Variants in TACR3 observed in about 807,000 individuals in gnomAD.
TACR3 encodes tachykinin receptor 3.
TACR3 carries 34 observed loss-of-function variants against 35.0 expected under a neutral mutation model. The observed-to-expected ratio is 0.97, with a 90% CI of 0.74 to 1.30. TACR3 has a LOEUF of 1.30. Ranked by LOEUF, TACR3 falls within the 50% of genes most tolerant of loss-of-function variation. TACR3 has a pLI of 0.00. For missense variants in TACR3, 558 were observed against 591.7 expected, an observed-to-expected ratio of 0.94 and a Z score of 0.59; for synonymous variants, 233 against 221.1, an observed-to-expected ratio of 1.05 and a Z score of -0.48.
chr4:103,674,703 C>A (rs1726128993), intron 1 of TACR3, among the ~76,000 whole-genome samples: 1 of 152,162 alleles, frequency 6.6e-6, no homozygotes, highest in Non-Finnish European at 1.5e-5. Context: ...AGGCGCACAC[C>A]TCCACGCCTG....
At chr4:103,666,763 A>G (rs886443763) in intron 1 of TACR3, among the ~76,000 whole-genome samples, 4 of 152,166 alleles carry the variant, frequency 2.6e-5, no homozygotes, top group Non-Finnish European at 5.9e-5. Flanking sequence ...TACTTATACT[A>G]TCTCTGTAAT....
At chr4:103,592,141 A>C (rs1281987790) in intron 3 of TACR3, among the ~76,000 whole-genome samples, 2 of 152,176 alleles carry the variant, frequency 1.3e-5, no homozygotes, top group African/African-American at 4.8e-5. Context: ...CTATAGCCTG[A>C]CTATAGCTTA....
At chr4:103,675,728 G>A (rs768375983) in intron 1 of TACR3, among the ~76,000 whole-genome samples, 8 of 152,016 alleles carry the variant, frequency 5.3e-5, no homozygotes, top group Non-Finnish European at 7.4e-5. Flanking sequence ...TGGTAGACAC[G>A]TCCGAAAGCC....
intron 3 of TACR3, among the ~76,000 whole-genome samples, chr4:103,599,981 G>C (rs969082649): frequency 1.3e-5 from 2 of 152,126 alleles, no homozygotes; most frequent in African/African-American, 4.8e-5. Context: ...AAATGAGTTA[G>C]GGAGGATTCC....
At position 103,586,768 on chromosome 4, in the gene TACR3, A is replaced by G. The variant is rs1036819444; in HGVS notation, c.*2914T>C. The G allele has an allele frequency of 8.6e-4, 130 of 151,746 alleles. 1 individual carries two copies. Among genetic ancestry groups the G allele is most frequent in the African/African-American group, 3.0e-3 (124 of 41,110 alleles). 9.4% of individuals were successfully genotyped at this position (151,746 alleles called of 1,614,324 possible). On this transcript the variant is annotated 3_prime_UTR_variant, in exon 5 of 5. Coordinates refer to ENST00000304883, the MANE Select transcript of TACR3 (RefSeq NM_001059.3). ...TGCTGTACTTGGTAAAAAATAAAAAAGTGTGAGAGTGAATTCTGTAACAAT... is the reference window on the plus strand; with the variant it reads ...TGCTGTACTTGGTAAAAAATAAAAAGGTGTGAGAGTGAATTCTGTAACAAT...
intron 2 of TACR3, among the ~76,000 whole-genome samples, chr4:103,656,853 A>G (rs17033947): frequency 0.057 from 8,653 of 152,134 alleles, 848 homozygotes; most frequent in African/African-American, 0.2. Context: ...GCCATAATTA[A>G]TCCACAAGTT....
chr4:103,690,850 T>C (rs886378140), intron 1 of TACR3, among the ~76,000 whole-genome samples: 2 of 152,120 alleles, frequency 1.3e-5, no homozygotes, highest in Admixed American at 6.6e-5. Flanking sequence ...TTCTACAGGG[T>C]ATATAGAATT....
At chr4:103,621,493 G>A (rs932270209) in intron 3 of TACR3, among the ~76,000 whole-genome samples, 2 of 152,172 alleles carry the variant, frequency 1.3e-5, no homozygotes, top group African/African-American at 2.4e-5. Flanking sequence ...TATAAGATAG[G>A]CAGGAGGCTT....
At chr4:103,683,986 T>TACCAA (rs1384408643) in intron 1 of TACR3, among the ~76,000 whole-genome samples, 2 of 152,086 alleles carry the variant, frequency 1.3e-5, no homozygotes, top group Non-Finnish European at 2.9e-5. Context: ...CCAATTTAAA[T>TACCAA]ATATTAATTG....
chr4:103,689,701 G>A (rs1722356005), intron 1 of TACR3, among the ~76,000 whole-genome samples: 1 of 152,016 alleles, frequency 6.6e-6, no homozygotes, highest in Non-Finnish European at 1.5e-5. Flanking sequence ...AGATTTGTGA[G>A]ACTCTATTAA....
At chr4:103,618,396 T>G (rs761785489) in intron 3 of TACR3, among the ~76,000 whole-genome samples, 15 of 152,074 alleles carry the variant, frequency 9.9e-5, no homozygotes, top group Non-Finnish European at 1.8e-4. Flanking sequence ...GTTGTAGGTG[T>G]GTGGCTTATT....
At chr4:103,634,713 C>T (rs1039931318) in intron 3 of TACR3, among the ~76,000 whole-genome samples, 10 of 152,148 alleles carry the variant, frequency 6.6e-5, no homozygotes, top group African/African-American at 1.9e-4. Context: ...CTGTCAATAG[C>T]GTCCTCATTT....
intron 3 of TACR3, among the ~76,000 whole-genome samples, chr4:103,638,255 G>C (rs1725245328): frequency 6.6e-6 from 1 of 150,870 alleles, no homozygotes; most frequent in Admixed American, 6.6e-5. Flanking sequence ...TAGACCAATG[G>C]AACAGAACAG....
intron 1 of TACR3, among the ~76,000 whole-genome samples, chr4:103,691,108 A>G (rs1722393621): frequency 1.3e-5 from 2 of 152,148 alleles, no homozygotes; most frequent in South Asian, 2.1e-4. Flanking sequence ...TCTCACTCCT[A>G]TTTTCTTGCC....
intron 1 of TACR3, among the ~76,000 whole-genome samples, chr4:103,711,672 G>C (rs1341815171): frequency 6.6e-6 from 1 of 151,970 alleles, no homozygotes; most frequent in Non-Finnish European, 1.5e-5. Context: ...AGAAATAAAG[G>C]GTATTCAATT....
intron 3 of TACR3, among the ~76,000 whole-genome samples, chr4:103,593,055 T>C (rs1723927997): frequency 6.6e-6 from 1 of 152,208 alleles, no homozygotes; most frequent in Non-Finnish European, 1.5e-5. Flanking sequence ...TGCTTTCTTC[T>C]GAAGAACTGC....
chr4:103,614,882 G>GTTTTTTTTTTTTT (rs1325226834), intron 3 of TACR3, among the ~76,000 whole-genome samples: 1 of 90,818 alleles, frequency 1.1e-5, no homozygotes, highest in East Asian at 4.1e-4. Flanking sequence ...GATTATGAAT[G>GTTTTTTTTTTTTT]TGTTTTTTTT....
intron 1 of TACR3, among the ~76,000 whole-genome samples, chr4:103,679,443 A>T (rs1430896505): frequency 6.6e-6 from 1 of 151,986 alleles, no homozygotes; most frequent in Non-Finnish European, 1.5e-5. Context: ...TATAAACCAT[A>T]ACTCCAAATA....
intron 3 of TACR3, among the ~76,000 whole-genome samples, chr4:103,608,249 C>T (rs1013329793): frequency 5.3e-5 from 8 of 152,130 alleles, no homozygotes; most frequent in Middle Eastern, 3.4e-3. Context: ...AAATCATGTC[C>T]TTTGCAGCAA....
Sources: gnomAD v4.1 joint callset for allele counts (sites outside exome capture counted in the v4.1 genomes callset) on GRCh38, gnomAD v4.1.1 for gene constraint, MANE v1.5 for transcripts, NCBI Gene and HGNC (gene_info 2026-07-23, HGNC 2026-07-21) for gene names.